Variants in SLC25A21 observed in about 807,000 individuals in gnomAD.
SLC25A21 encodes the protein solute carrier family 25 member 21.
A neutral mutation model predicts 43.8 loss-of-function variants in SLC25A21; 47 were observed. The observed-to-expected ratio is 1.07, with a 90% CI of 0.85 to 1.37. SLC25A21 has a LOEUF of 1.37. Ranked by LOEUF, SLC25A21 falls within the 40% of genes most tolerant of loss-of-function variation. The pLI, the probability that SLC25A21 is intolerant of heterozygous loss-of-function variation, is 0.00. For synonymous variants in SLC25A21, 131 were observed against 121.3 expected, an observed-to-expected ratio of 1.08 and a Z score of -0.52; for missense variants, 352 against 350.2, an observed-to-expected ratio of 1.00 and a Z score of -0.04.
At chr14:37,119,300 G>A (rs906656367) in intron 1 of SLC25A21, among the ~76,000 whole-genome samples, 6 of 152,182 alleles carry the variant, frequency 3.9e-5, no homozygotes, top group African/African-American at 1.4e-4. Context: ...TGTAATCCCA[G>A]CACTTTGGGA....
Position 36,813,833 on chromosome 14 carries a change from T to C in SLC25A21, c.203+85A>G, listed in dbSNP as rs1888357357. 3 of 1,012,904 alleles carry C rather than the reference T, an allele frequency of 3.0e-6. No homozygotes were observed. The African/African-American group carries it at 4.9e-5, about 17-fold the overall frequency. 62.7% of individuals were successfully genotyped at this position (1,012,904 alleles called of 1,614,324 possible). A position where few individuals can be genotyped will look rare whatever the true frequency, so the allele number is the denominator to read the frequency against. On this transcript the variant is annotated intron_variant, in intron 3 of 9. Transcript: ENST00000331299. ...ACCCTTTTAAGTATTTTGCCCCTAG[T>C]AAGACTAGGAAAATAAACCATTCGA...
chr14:36,811,528 G>A (rs367846793), intron 3 of SLC25A21, among the ~76,000 whole-genome samples: 1 of 152,104 alleles, frequency 6.6e-6, no homozygotes, highest in South Asian at 2.1e-4. Flanking sequence ...GTGGGCACCT[G>A]TAATCCCAGC....
intron 2 of SLC25A21, among the ~76,000 whole-genome samples, chr14:36,844,465 A>G (rs1490772165): frequency 6.6e-6 from 1 of 152,192 alleles, no homozygotes; most frequent in African/African-American, 2.4e-5. Flanking sequence ...ATAAAACTGG[A>G]TTATCCAGAG....
Position 36,683,847 on chromosome 14 carries a change from C to G in SLC25A21, c.819G>C (p.Lys273Asn). ...ILALYKGLLP[K>N]IMRLGPGGAV... ...CATTACCTGGTCCAAGTCTCATAAT[C>G]TTGGGAAGCAGGCCTTTGTACAAAG... Residue 273 changes from lysine to asparagine, a missense_variant, in exon 9 of 10, where the codon AAG (lysine) becomes AAC (asparagine). Coordinates refer to ENST00000331299, the MANE Select transcript of SLC25A21 (RefSeq NM_030631.4). 6.2e-7 allele frequency: 1 copy of G among 1,606,658 alleles called. No individual in the cohort carries two copies. Among genetic ancestry groups the G allele is most frequent in the Non-Finnish European group, 8.5e-7 (1 of 1,175,704 alleles).
chr14:37,007,161 C>G (rs1960622913), intron 1 of SLC25A21, among the ~76,000 whole-genome samples: 1 of 152,212 alleles, frequency 6.6e-6, no homozygotes, highest in Admixed American at 6.5e-5. Flanking sequence ...TACAGAGGAA[C>G]TCTCTGACAG....
intron 2 of SLC25A21, among the ~76,000 whole-genome samples, chr14:36,826,481 A>T (rs848068): frequency 1.7e-3 from 256 of 152,092 alleles, no homozygotes; most frequent in African/African-American, 5.9e-3. Flanking sequence ...CTGCTCTGGG[A>T]GCCTCCTCCC....
intron 2 of SLC25A21, among the ~76,000 whole-genome samples, chr14:36,852,416 C>T (rs998767926): frequency 7.2e-5 from 11 of 152,148 alleles, no homozygotes; most frequent in African/African-American, 1.4e-4. Flanking sequence ...GCCCTGTTCA[C>T]ACTTCATGTT....
intron 2 of SLC25A21, among the ~76,000 whole-genome samples, chr14:36,832,977 G>A (rs1280028230): frequency 1.3e-5 from 2 of 151,828 alleles, no homozygotes; most frequent in Non-Finnish European, 2.9e-5. Flanking sequence ...GCTTAAAATT[G>A]GAAAAAAAAC....
intron 1 of SLC25A21, among the ~76,000 whole-genome samples, chr14:37,154,499 C>T (rs1193476574): frequency 6.6e-6 from 1 of 151,956 alleles, no homozygotes; most frequent in East Asian, 1.9e-4. Context: ...CAAAGGAACA[C>T]AACAATTCTC....
At chr14:37,069,672 A>T (rs1962133331) in intron 1 of SLC25A21, among the ~76,000 whole-genome samples, 1 of 152,130 alleles carries the variant, frequency 6.6e-6, no homozygotes, top group Non-Finnish European at 1.5e-5. Flanking sequence ...ATTTATTTGT[A>T]AAAAAAATTA....
chr14:36,788,895 G>T (rs896028460), intron 3 of SLC25A21: 1 of 151,956 alleles, frequency 6.6e-6, no homozygotes, highest in African/African-American at 2.4e-5. Flanking sequence ...CAACTGTCAG[G>T]GTTTATGGCT....
chr14:36,907,337 CTTGT>C (rs1242227967), intron 1 of SLC25A21, among the ~76,000 whole-genome samples: 1 of 151,880 alleles, frequency 6.6e-6, no homozygotes, highest in Non-Finnish European at 1.5e-5. Flanking sequence ...ATATTTTTGG[CTTGT>C]TTGTTTTGTT....
intron 3 of SLC25A21, among the ~76,000 whole-genome samples, chr14:36,774,381 T>C (rs1012978908): frequency 1.3e-5 from 2 of 152,228 alleles, no homozygotes; most frequent in Non-Finnish European, 2.9e-5. Flanking sequence ...AGATATTCCA[T>C]GTGACATTGC....
At position 36,921,942 on chromosome 14, in the gene SLC25A21, C is replaced by T. The variant is rs185504087; in HGVS notation, c.71-46938G>A. Among the ~76,000 whole-genome samples, 16 of 151,938 alleles carry T rather than the reference C, an allele frequency of 1.1e-4. 1 individual carries two copies. Among genetic ancestry groups the T allele is most frequent in the African/African-American group, 3.4e-4 (14 of 41,454 alleles). ...AGTGAAACACCTGAGGTCAGGAGTTCGAGACCAGCCTGGCCAACATGGTGA... is the reference window on the plus strand; with the variant it reads ...AGTGAAACACCTGAGGTCAGGAGTTTGAGACCAGCCTGGCCAACATGGTGA... On this transcript the variant is annotated intron_variant, in intron 1 of 9. Transcript: ENST00000331299.
At chr14:37,159,163 G>T (rs2138945821) in intron 1 of SLC25A21, among the ~76,000 whole-genome samples, 1 of 151,232 alleles carries the variant, frequency 6.6e-6, no homozygotes, top group East Asian at 1.9e-4. Flanking sequence ...ATTGCCCAAA[G>T]CAATCTACAG....
intron 1 of SLC25A21, chr14:36,952,499 C>A (rs1165033390): frequency 6.6e-6 from 1 of 152,040 alleles, no homozygotes; most frequent in Non-Finnish European, 1.5e-5. Flanking sequence ...AGGTAGAATT[C>A]TTTTCTTAAT....
At chr14:37,166,367 G>A (rs1964030279) in intron 1 of SLC25A21, among the ~76,000 whole-genome samples, 1 of 152,208 alleles carries the variant, frequency 6.6e-6, no homozygotes, top group Non-Finnish European at 1.5e-5. Context: ...AGGTAAAACA[G>A]TTATTTTAAG....
At chr14:36,925,464 A>T (rs1392892828) in intron 1 of SLC25A21, among the ~76,000 whole-genome samples, 1 of 152,228 alleles carries the variant, frequency 6.6e-6, no homozygotes, top group African/African-American at 2.4e-5. Flanking sequence ...CAGAATAAAG[A>T]ACATTATCAG....
intron 1 of SLC25A21, among the ~76,000 whole-genome samples, chr14:36,968,669 C>T (rs574489409): frequency 6.6e-6 from 1 of 152,254 alleles, no homozygotes; most frequent in African/African-American, 2.4e-5. Context: ...GTCTCCTGAG[C>T]TGCAGCTCAG....
Sources: gnomAD v4.1 joint callset for allele counts (sites outside exome capture counted in the v4.1 genomes callset) on GRCh38, gnomAD v4.1.1 for gene constraint, MANE v1.5 for transcripts, NCBI Gene and HGNC (gene_info 2026-07-23, HGNC 2026-07-21) for gene names.